The following PPP1R9A variants were observed in gnomAD, a reference collection of about 807,000 sequenced individuals.
The protein encoded by PPP1R9A is neurabin-1.
A neutral mutation model predicts 141.9 loss-of-function variants in PPP1R9A; 59 were observed. That is an observed-to-expected ratio of 0.42 (90% CI 0.34 to 0.52). The LOEUF is 0.52. Among genes scored for constraint, PPP1R9A ranks in the 20% least tolerant of loss-of-function variants. PPP1R9A has a pLI of 0.10. For synonymous variants in PPP1R9A, 500 were observed against 569.7 expected (o/e 0.88, Z 1.74); for missense variants, 1,444 against 1,611.9 (o/e 0.90, Z 1.78).
At chr7:94,983,141 G>C (rs1800338837) in intron 2 of PPP1R9A, among the ~76,000 whole-genome samples, 1 of 152,164 alleles carries the variant, frequency 6.6e-6, no homozygotes, top group Admixed American at 6.5e-5. Flanking sequence ...GATGGTTGTA[G>C]ATGTGTGGTG....
At chr7:95,046,102 A>G (rs1412198772) in intron 2 of PPP1R9A, among the ~76,000 whole-genome samples, 1 of 145,754 alleles carries the variant, frequency 6.9e-6, no homozygotes, top group East Asian at 2.0e-4. Context: ...TTTTTGAGAC[A>G]GAGTCTCGCT....
At chr7:95,051,359 C>T (rs1297610299) in intron 2 of PPP1R9A, among the ~76,000 whole-genome samples, 1 of 152,102 alleles carries the variant, frequency 6.6e-6, no homozygotes. Flanking sequence ...TTCACCAGTA[C>T]CTCACTGTCT....
intron 19 of PPP1R9A, among the ~76,000 whole-genome samples, 154 bp downstream of exon 19, chr7:95,288,872 T>C (rs1805846819): frequency 6.6e-6 from 1 of 152,184 alleles, no homozygotes; most frequent in Non-Finnish European, 1.5e-5. Context: ...TTCTGAGTAG[T>C]AAATGAAGTC....
intron 5 of PPP1R9A, 95 bp downstream of exon 5, chr7:95,162,066 C>T (rs1830536539): frequency 1.5e-6 from 1 of 682,120 alleles, no homozygotes; most frequent in African/African-American, 1.8e-5. Context: ...ATTACAATGA[C>T]AATTTTACCT....
intron 2 of PPP1R9A, among the ~76,000 whole-genome samples, chr7:95,051,133 C>A (rs1329243715): frequency 1.3e-5 from 2 of 150,424 alleles, no homozygotes; most frequent in African/African-American, 4.9e-5. Flanking sequence ...TTAGTTAATT[C>A]TTGGGAAGGG....
Position 95,247,545 on chromosome 7 carries a change from T to G in PPP1R9A, c.2166+19T>G, listed in dbSNP as rs762459126. On this transcript the variant is annotated intron_variant, in intron 9 of 19. Coordinates refer to ENST00000433360, the MANE Select transcript of PPP1R9A (RefSeq NM_001166160.2). Reference sequence around the variant, plus strand: ...GACCAAGGTAAGCACCGAAACATGGTGTTTGAATTTTACTTTTTAAACTTC... The same window carrying G: ...GACCAAGGTAAGCACCGAAACATGGGGTTTGAATTTTACTTTTTAAACTTC... 6.3e-7 allele frequency: 1 copy of G among 1,585,746 alleles called. No homozygotes were observed.
At chr7:95,211,638 C>T (rs1216602365) in intron 7 of PPP1R9A, among the ~76,000 whole-genome samples, 4 of 152,034 alleles carry the variant, frequency 2.6e-5, no homozygotes, top group Admixed American at 6.6e-5. Context: ...GGGTCTATTA[C>T]GACTGACTTG....
chr7:95,135,157 A>G (rs1053887028), intron 4 of PPP1R9A, among the ~76,000 whole-genome samples: 6 of 152,162 alleles, frequency 3.9e-5, no homozygotes, highest in Non-Finnish European at 7.3e-5. Context: ...TGCCTGCAAC[A>G]CATATCCTGT....
chr7:95,089,878 C>A (rs1817106058), intron 2 of PPP1R9A, among the ~76,000 whole-genome samples: 1 of 151,874 alleles, frequency 6.6e-6, no homozygotes, highest in African/African-American at 2.4e-5. Flanking sequence ...CACAAACACA[C>A]ATACTAAAAA....
chr7:95,114,660 A>T (rs1411158736), intron 3 of PPP1R9A, among the ~76,000 whole-genome samples: 14 of 152,184 alleles, frequency 9.2e-5, no homozygotes, highest in Admixed American at 8.5e-4. Flanking sequence ...AGAACTGGAC[A>T]GATTTATGGA....
intron 2 of PPP1R9A, among the ~76,000 whole-genome samples, chr7:94,956,682 T>C (rs1317516881): frequency 6.6e-6 from 1 of 152,182 alleles, no homozygotes; most frequent in Non-Finnish European, 1.5e-5. Context: ...CACTCCAGCC[T>C]GGGCAACAGG....
At chr7:95,066,870 G>A (rs1813022056) in intron 2 of PPP1R9A, among the ~76,000 whole-genome samples, 1 of 152,172 alleles carries the variant, frequency 6.6e-6, no homozygotes. Context: ...GTGCAATAAA[G>A]AAGAAAGGAA....
chr7:95,052,004 T>C (rs1810881668), intron 2 of PPP1R9A, among the ~76,000 whole-genome samples: 1 of 152,050 alleles, frequency 6.6e-6, no homozygotes, highest in Non-Finnish European at 1.5e-5. Context: ...CATGCCCAGC[T>C]AACTTTTGTA....
rs150448030 is a variant in PPP1R9A at position 95,248,375 on chromosome 7, C to A, written c.2166+849C>A. Among the ~76,000 whole-genome samples the A allele has an allele frequency of 7.0e-3, 1,049 of 149,104 alleles. 18 individuals carry two copies. The highest frequency in any genetic ancestry group is 0.024 in the African/African-American group (983 of 40,410). On this transcript the variant is annotated intron_variant, in intron 9 of 19. Coordinates refer to ENST00000433360, the MANE Select transcript of PPP1R9A (RefSeq NM_001166160.2). ...TGTGTTTTAAATGGAGATGAATTAGCAAGGCTATTTTGGTTAAATGCTATT... is the reference window on the plus strand; with the variant it reads ...TGTGTTTTAAATGGAGATGAATTAGAAAGGCTATTTTGGTTAAATGCTATT...
At chr7:95,119,201 T>C (rs1475880230) in intron 3 of PPP1R9A, among the ~76,000 whole-genome samples, 1 of 152,104 alleles carries the variant, frequency 6.6e-6, no homozygotes, top group African/African-American at 2.4e-5. Flanking sequence ...CCTTGAACTT[T>C]AACTAAAACA....
At chr7:95,093,417 T>C (rs1817619089) in intron 2 of PPP1R9A, among the ~76,000 whole-genome samples, 1 of 152,194 alleles carries the variant, frequency 6.6e-6, no homozygotes, top group Non-Finnish European at 1.5e-5. Flanking sequence ...CGGCTCTGTA[T>C]TTCAACCTGA....
intron 2 of PPP1R9A, among the ~76,000 whole-genome samples, chr7:94,932,576 T>C (rs1419674010): frequency 1.3e-5 from 2 of 152,134 alleles, no homozygotes; most frequent in African/African-American, 4.8e-5. Flanking sequence ...TATGTATTCA[T>C]GGCATTTGAC....
At position 94,910,418 on chromosome 7, in the gene PPP1R9A, C is replaced by T. The variant is rs930070751; in HGVS notation, c.305C>T (p.Pro102Leu). ...GHSSPQRRMKPKEFLEKTDGS... is the reference protein window; with the variant it reads ...GHSSPQRRMKLKEFLEKTDGS... ...TCATCTCCTCAGAGAAGAATGAAGC[C>T]CAAAGAATTTCTGGAAAAAACAGAT... The change falls in exon 2 of 20, where the codon CCC (proline) becomes CTC (leucine). Residue 102 changes from proline (P) to leucine (L), a missense_variant. Physicochemically the swap from Pro to Leu is moderately conservative, Grantham distance 98 (BLOSUM62 -3). Coordinates refer to ENST00000433360, the MANE Select transcript of PPP1R9A (RefSeq NM_001166160.2). The surrounding 1 kb of genome is among the most constrained non-coding windows in gnomAD (Gnocchi z 4.5). 6.2e-7 allele frequency: 1 copy of T among 1,613,934 alleles called. No individual in the cohort carries two copies. Among genetic ancestry groups the T allele is most frequent in the Non-Finnish European group, 8.5e-7 (1 of 1,179,988 alleles).
Position 95,126,672 on chromosome 7 carries a change from C to T in PPP1R9A, c.1649+5840C>T, listed in dbSNP as rs116180270. ...GGGATGGTCTGATACAGAACTCTGTCTAGGTATTCTTTTGTTTTTAACCAC... is the reference window on the plus strand; with the variant it reads ...GGGATGGTCTGATACAGAACTCTGTTTAGGTATTCTTTTGTTTTTAACCAC... On this transcript the variant is annotated intron_variant, in intron 4 of 19. Transcript: ENST00000433360. Among the ~76,000 whole-genome samples the T allele has an allele frequency of 8.8e-3, 1,334 of 152,214 alleles. 15 individuals carry two copies. Among genetic ancestry groups the T allele is most frequent in the African/African-American group, 0.031 (1,281 of 41,518 alleles).
Sources: gnomAD v4.1 joint callset for allele counts (sites outside exome capture counted in the v4.1 genomes callset) on GRCh38, gnomAD v4.1.1 for gene constraint, Gnocchi (gnomAD v3.1) non-coding constraint, MANE v1.5 for transcripts, NCBI Gene and HGNC (gene_info 2026-07-23, HGNC 2026-07-21) for gene names.